Variants in PHF21B observed in about 807,000 individuals in gnomAD.
PHF21B encodes the protein PHD finger protein 4.
Under a neutral mutation model 62.2 loss-of-function variants are expected in PHF21B, and 22 were observed. The observed-to-expected ratio is 0.35, with a 90% CI of 0.25 to 0.51. The LOEUF (loss-of-function observed/expected upper bound fraction) is 0.51. PHF21B is among the 20% of genes least tolerant of loss of function. PHF21B has a pLI of 0.97. For synonymous variants in PHF21B, 341 were observed against 314.7 expected, an observed-to-expected ratio of 1.08 and a Z score of -0.88; for missense variants, 701 against 707.9, an observed-to-expected ratio of 0.99 and a Z score of 0.11.
chr22:44,996,931 C>A (rs896201481), intron 2 of PHF21B, among the ~76,000 whole-genome samples: 1 of 152,144 alleles, frequency 6.6e-6, no homozygotes, highest in South Asian at 2.1e-4. Context: ...TGCACACACA[C>A]GCGCACATGC....
At chr22:44,945,014 C>A (rs1454222373) in intron 2 of PHF21B, among the ~76,000 whole-genome samples, 2 of 152,264 alleles carry the variant, frequency 1.3e-5, no homozygotes, top group Admixed American at 1.3e-4. Context: ...GCATACCGGG[C>A]TGCGCCTGCA....
At chr22:44,943,179 G>A (rs1015774475) in intron 2 of PHF21B, among the ~76,000 whole-genome samples, 2 of 152,094 alleles carry the variant, frequency 1.3e-5, no homozygotes, top group Non-Finnish European at 2.9e-5. Flanking sequence ...CTTCGTGCCA[G>A]CACCCGCTCC....
At chr22:44,976,769 G>A (rs1235180982) in intron 2 of PHF21B, among the ~76,000 whole-genome samples, 1 of 152,230 alleles carries the variant, frequency 6.6e-6, no homozygotes, top group Non-Finnish European at 1.5e-5. Flanking sequence ...AAGTACTGAA[G>A]AGAGATTAAA....
chr22:44,892,881 A>G (rs2070990893), intron 7 of PHF21B, among the ~76,000 whole-genome samples: 1 of 152,148 alleles, frequency 6.6e-6, no homozygotes, highest in African/African-American at 2.4e-5. Flanking sequence ...GTGCTCCCCT[A>G]TGGCATCCTT....
At chr22:44,984,207 C>G (rs1466669466) in intron 2 of PHF21B, among the ~76,000 whole-genome samples, 9 of 148,174 alleles carry the variant, frequency 6.1e-5, no homozygotes, top group South Asian at 2.2e-4. Context: ...CCACTACCAC[C>G]ATCATCACCA....
intron 2 of PHF21B, among the ~76,000 whole-genome samples, chr22:44,975,123 G>A (rs1286134928): frequency 6.6e-6 from 1 of 152,160 alleles, no homozygotes; most frequent in Non-Finnish European, 1.5e-5. Context: ...TGAGGGAAGA[G>A]AGCAGAGAAT....
intron 2 of PHF21B, 112 bp from the exon 3 acceptor site, chr22:44,920,602 T>C: frequency 1.9e-6 from 1 of 536,344 alleles, no homozygotes. Context: ...CAAATTCTAC[T>C]CTTCCCTTTC....
chr22:44,921,988 C>T (rs1043535983), intron 2 of PHF21B, among the ~76,000 whole-genome samples: 4 of 152,144 alleles, frequency 2.6e-5, no homozygotes, highest in South Asian at 2.1e-4. Flanking sequence ...TGGCTACATT[C>T]GCACCCCACG....
chr22:44,914,519 T>G (rs1360874101), intron 4 of PHF21B, among the ~76,000 whole-genome samples: 1 of 152,192 alleles, frequency 6.6e-6, no homozygotes, highest in Non-Finnish European at 1.5e-5. Context: ...CCACGAGAGC[T>G]CAGACTTGCT....
intron 2 of PHF21B, chr22:45,001,059 TGCTGACTATGGG>T (rs1555960617): frequency 6.6e-6 from 1 of 152,268 alleles, no homozygotes; most frequent in Non-Finnish European, 1.5e-5. Flanking sequence ...AACCCCCGTG[TGCTGACTATGGG>T]GCCCTTGCTC....
At chr22:44,925,849 G>A (rs1271627355) in intron 2 of PHF21B, among the ~76,000 whole-genome samples, 1 of 152,160 alleles carries the variant, frequency 6.6e-6, no homozygotes. Flanking sequence ...TGTGTGGAAG[G>A]CTCTGATCTC....
At chr22:44,891,233 G>T (rs1349892012) in intron 8 of PHF21B, 73 bp downstream of exon 8, 3 of 1,547,280 alleles carry the variant, frequency 1.9e-6, no homozygotes. Context: ...AGGCCCAGGC[G>T]TGGAGGACCA....
At chr22:44,917,970 C>G (rs1422632779) in intron 3 of PHF21B, among the ~76,000 whole-genome samples, 4 of 152,256 alleles carry the variant, frequency 2.6e-5, no homozygotes, top group Non-Finnish European at 4.4e-5. Flanking sequence ...CCTCCCACAT[C>G]AGGGCCCTGG....
At chr22:44,938,080 G>A (rs144461845) in intron 2 of PHF21B, among the ~76,000 whole-genome samples, 55 of 152,328 alleles carry the variant, frequency 3.6e-4, no homozygotes, top group African/African-American at 1.3e-3. Context: ...AAAAATCTAT[G>A]TATTTTATTT....
intron 2 of PHF21B, among the ~76,000 whole-genome samples, chr22:44,965,242 G>A (rs758116684): frequency 9.2e-5 from 14 of 151,926 alleles, no homozygotes; most frequent in Non-Finnish European, 1.6e-4. Flanking sequence ...TGGCCAACTC[G>A]GCTGCACACC....
intron 5 of PHF21B, among the ~76,000 whole-genome samples, chr22:44,899,367 T>C (rs924478582): frequency 6.8e-6 from 1 of 147,144 alleles, no homozygotes; most frequent in Non-Finnish European, 1.5e-5. Context: ...CTCAGCTCAC[T>C]GCAATCTCCG....
chr22:44,957,247 A>T (rs1343096992), intron 2 of PHF21B, among the ~76,000 whole-genome samples: 1 of 152,222 alleles, frequency 6.6e-6, no homozygotes, highest in Non-Finnish European at 1.5e-5. Flanking sequence ...CCAGCCTCAG[A>T]GGGTCAGGCA....
intron 2 of PHF21B, among the ~76,000 whole-genome samples, chr22:44,935,976 T>C (rs1417692707): frequency 6.6e-6 from 1 of 152,226 alleles, no homozygotes; most frequent in Non-Finnish European, 1.5e-5. Context: ...CACCACATTC[T>C]GTTCTCTCTG....
intron 2 of PHF21B, among the ~76,000 whole-genome samples, chr22:44,966,671 A>C (rs2072532694): frequency 6.6e-6 from 1 of 152,046 alleles, no homozygotes; most frequent in African/African-American, 2.4e-5. Context: ...CAGCTGCCAC[A>C]CACATCAAGG....
Sources: allele counts gnomAD v4.1 joint callset (sites outside exome capture counted in the v4.1 genomes callset), GRCh38; gene constraint gnomAD v4.1.1; transcripts MANE v1.5; gene names NCBI Gene and HGNC (gene_info 2026-07-23, HGNC 2026-07-21).